Variants in AR observed in about 807,000 individuals in gnomAD.
The protein encoded by AR is dihydrotestosterone receptor.
In AR, 8 loss-of-function variants were observed where a neutral mutation model predicts 53.9. The observed-to-expected ratio is 0.15, with a 90% CI of 0.09 to 0.27. The LOEUF is 0.27. AR is among the 10% of genes least tolerant of loss of function. The pLI, the probability that AR is intolerant of heterozygous loss-of-function variation, is 1.00. For missense variants in AR, 639 were observed against 742.5 expected (o/e 0.86, Z 1.62); for synonymous variants, 359 against 316.4 (o/e 1.13, Z -1.43).
At chrX:67,663,457 C>G (rs1378107386) in intron 2 of AR, among the ~76,000 whole-genome samples, 3 of 112,480 alleles carry the variant, frequency 2.7e-5, no homozygotes. Flanking sequence ...TTGGCCCCCA[C>G]TCTCTTCTGG....
intron 1 of AR, among the ~76,000 whole-genome samples, chrX:67,632,748 C>T (rs917195890): frequency 8.9e-6 from 1 of 112,185 alleles, no homozygotes; most frequent in Non-Finnish European, 1.9e-5. Flanking sequence ...AAATCTCACC[C>T]ACAGAATGAG....
At chrX:67,629,148 T>C (rs1316268037) in intron 1 of AR, among the ~76,000 whole-genome samples, 1 of 111,016 alleles carries the variant, frequency 9.0e-6, no homozygotes, top group Non-Finnish European at 1.9e-5. Flanking sequence ...GATGCTGGCC[T>C]CATAAAATGA....
At chrX:67,650,420 G>A (rs968629361) in intron 2 of AR, among the ~76,000 whole-genome samples, 1 of 111,875 alleles carries the variant, frequency 8.9e-6, no homozygotes, top group Admixed American at 9.5e-5. Context: ...TCAAACTCTG[G>A]TAGTTCATTT....
chrX:67,636,969 G>A (rs1443277919), intron 1 of AR, among the ~76,000 whole-genome samples: 2 of 111,256 alleles, frequency 1.8e-5, no homozygotes, highest in African/African-American at 6.5e-5. Context: ...TTAAACTCAT[G>A]CCTAACAAAC....
At chrX:67,605,748 G>A (rs1923592505) in intron 1 of AR, among the ~76,000 whole-genome samples, 1 of 112,256 alleles carries the variant, frequency 8.9e-6, no homozygotes, top group Non-Finnish European at 1.9e-5. Context: ...GAGTAACTCA[G>A]GGAAGCCATG....
At chrX:67,707,498 C>G (rs990257818) in intron 3 of AR, among the ~76,000 whole-genome samples, 1 of 111,479 alleles carries the variant, frequency 9.0e-6, no homozygotes, top group East Asian at 2.8e-4. Flanking sequence ...CTTGGTAGAT[C>G]TTCCTCCATC....
chrX:67,720,740 G>A (rs1471666504), intron 5 of AR, among the ~76,000 whole-genome samples: 2 of 110,905 alleles, frequency 1.8e-5, no homozygotes, highest in Non-Finnish European at 3.8e-5. Context: ...CTCATCCTAT[G>A]GAGTAGGCTA....
At chrX:67,605,307 A>C (rs886732952) in intron 1 of AR, among the ~76,000 whole-genome samples, 1 of 112,469 alleles carries the variant, frequency 8.9e-6, no homozygotes, top group Non-Finnish European at 1.9e-5. Flanking sequence ...AAGTCCAAAA[A>C]TAATTAAGAA....
intron 1 of AR, among the ~76,000 whole-genome samples, chrX:67,603,299 A>T (rs958709653): frequency 2.7e-5 from 3 of 111,744 alleles, no homozygotes. Context: ...AGAGGAAAGG[A>T]ATCAGACATG....
chrX:67,667,934 ATTTG>A (rs1209649699), intron 2 of AR, among the ~76,000 whole-genome samples: 3 of 111,761 alleles, frequency 2.7e-5, no homozygotes, highest in African/African-American at 9.7e-5. Flanking sequence ...ACTTTACTGA[ATTTG>A]TTTATCAGTT....
intron 2 of AR, among the ~76,000 whole-genome samples, chrX:67,647,497 C>T (rs1195061746): frequency 3.6e-5 from 4 of 111,620 alleles, no homozygotes; most frequent in African/African-American, 1.3e-4. Flanking sequence ...ATCAGTGTCC[C>T]CTTCACTCCC....
At chrX:67,550,229 C>T (rs1362917142) in intron 1 of AR, among the ~76,000 whole-genome samples, 3 of 111,676 alleles carry the variant, frequency 2.7e-5, no homozygotes, top group Non-Finnish European at 3.8e-5. Flanking sequence ...TGCAGGCTTC[C>T]AATTGCAGGG....
intron 1 of AR, among the ~76,000 whole-genome samples, chrX:67,576,228 ACT>A (rs1922040775): frequency 9.1e-6 from 1 of 110,218 alleles, no homozygotes. Context: ...GGTATTTTGG[ACT>A]CTCTGGTTAG....
At chrX:67,615,851 C>T (rs1378968463) in intron 1 of AR, among the ~76,000 whole-genome samples, 1 of 111,417 alleles carries the variant, frequency 9.0e-6, no homozygotes, top group Non-Finnish European at 1.9e-5. Flanking sequence ...TGAAGAGTAA[C>T]ATTAAAAACT....
chrX:67,620,800 C>A (rs901285164), intron 1 of AR, among the ~76,000 whole-genome samples: 2 of 111,594 alleles, frequency 1.8e-5, no homozygotes, highest in Admixed American at 9.5e-5. Flanking sequence ...CTCCTCAGAC[C>A]AGACTTATGA....
chrX:67,654,436 A>G (rs1926493733), intron 2 of AR, among the ~76,000 whole-genome samples: 2 of 110,996 alleles, frequency 1.8e-5, no homozygotes, highest in African/African-American at 3.3e-5. Context: ...TGAGAATATA[A>G]CAAAGGTCAA....
chrX:67,630,370 T>C (rs1459976178), intron 1 of AR, among the ~76,000 whole-genome samples: 5 of 111,845 alleles, frequency 4.5e-5, no homozygotes, highest in Non-Finnish European at 7.5e-5. Context: ...TCTTGTTGAA[T>C]TGATCCCTTT....
At chrX:67,648,894 A>G (rs962592420) in intron 2 of AR, among the ~76,000 whole-genome samples, 142 of 111,826 alleles carry the variant, frequency 1.3e-3, no homozygotes, top group African/African-American at 4.5e-3. Context: ...AATTCATTAT[A>G]TTTAACTTCT....
chrX:67,689,510 T>C (rs776450192), intron 3 of AR: 33 of 877,525 alleles, frequency 3.8e-5, no homozygotes, highest in Non-Finnish European at 4.7e-5. Flanking sequence ...AGCTTTTTCT[T>C]TCCTGCTTCC....
Sources: gnomAD v4.1 joint callset for allele counts (sites outside exome capture counted in the v4.1 genomes callset) on GRCh38, gnomAD v4.1.1 for gene constraint, MANE v1.5 for transcripts, NCBI Gene and HGNC (gene_info 2026-07-23, HGNC 2026-07-21) for gene names.